The following SERPINA9 variants were observed in gnomAD, a reference collection of about 807,000 sequenced individuals.
SERPINA9 encodes the protein serpin A9.
In SERPINA9, 32 loss-of-function variants were observed where a neutral mutation model predicts 24.5. That is an observed-to-expected ratio of 1.30 (90% CI 0.98 to 1.75). The LOEUF (loss-of-function observed/expected upper bound fraction) is 1.75. Among genes scored for constraint, SERPINA9 ranks in the 40% most tolerant of loss-of-function variants. The pLI is 0.00. For synonymous variants in SERPINA9, 233 were observed against 197.7 expected, an observed-to-expected ratio of 1.18 and a Z score of -1.50; for missense variants, 594 against 497.1, an observed-to-expected ratio of 1.19 and a Z score of -1.85.
At chr14:94,474,886 G>A (rs1012207989) in intron 1 of SERPINA9, among the ~76,000 whole-genome samples, 45 of 152,130 alleles carry the variant, frequency 3.0e-4, no homozygotes, top group African/African-American at 1.1e-3. Context: ...TGCTGATCTG[G>A]TGTATCACTC....
At chr14:94,473,628 G>A (rs918776775) in intron 1 of SERPINA9, among the ~76,000 whole-genome samples, 5 of 151,970 alleles carry the variant, frequency 3.3e-5, no homozygotes, top group Admixed American at 2.6e-4. Context: ...TATTTGATGA[G>A]CTCTGTGACA....
chr14:94,464,141 C>T (rs1383110244), intron 4 of SERPINA9, among the ~76,000 whole-genome samples: 1 of 152,200 alleles, frequency 6.6e-6, no homozygotes, highest in African/African-American at 2.4e-5. Flanking sequence ...ACTCATAGCT[C>T]AGCTCCTGTG....
rs1347446994 is a variant in SERPINA9 at position 94,467,204 on chromosome 14, G to A, written c.807C>T (p.Ala269=). Residue 269 remains alanine, a synonymous_variant, in exon 3 of 5, where the codon GCC becomes GCT. Transcript: ENST00000674397. ...TGCCCTTGCTAGGGAGGACAAAGAA[G>A]GCCACGGCATCTCCCTTGTAATCCA... The part of the protein sequence containing the change: ...LQMDYKGDAV[A]FFVLPSKGKM... 3 of 1,614,244 alleles carry A rather than the reference G, an allele frequency of 1.9e-6. No individual in the cohort carries two copies. The highest frequency in any genetic ancestry group is 2.5e-6 in the Non-Finnish European group (3 of 1,180,042).
At chr14:94,469,077 A>G in intron 2 of SERPINA9, 136 bp downstream of exon 2, 1 of 731,558 alleles carries the variant, frequency 1.4e-6, no homozygotes, top group Non-Finnish European at 2.2e-6. Context: ...CTAATTGCAA[A>G]GCTAATTAGA....
At position 94,472,971 on chromosome 14, in the gene SERPINA9, C is replaced by T. The variant is rs532441482; in HGVS notation, c.-17-3114G>A. 2.4e-4 allele frequency among the ~76,000 whole-genome samples: 37 copies of T among 152,226 alleles called. No individual in the cohort carries two copies. In the South Asian group the frequency reaches 2.5e-3, roughly 10 times the overall value. On this transcript the variant is annotated intron_variant, in intron 1 of 4. Transcript: ENST00000674397. ...CTGGGGAGCAGGAGAGACCAGCTGC[C>T]GAGAGAGGGGGCCCCATGCAGGGAT... is the stretch of plus-strand genomic sequence containing the variant.
At chr14:94,464,391 T>G (rs1406235848) in intron 4 of SERPINA9, 3 of 446,302 alleles carry the variant, frequency 6.7e-6, no homozygotes, top group Non-Finnish European at 1.2e-5. Flanking sequence ...CTGTGATGCC[T>G]GTGTGAGGGC....
rs1379616009 is a variant in SERPINA9 at position 94,469,352 on chromosome 14, T to C, written c.489A>G (p.Thr163=). Reference sequence around the variant, plus strand: ...GGGCAATGGAGGGGTTGGAGAAATCTGTAGAAAAGACTTCTGCTTCATACA... The same window carrying C: ...GGGCAATGGAGGGGTTGGAGAAATCCGTAGAAAAGACTTCTGCTTCATACA... ...KRLYEAEVFS[T]DFSNPSIAQA... The change falls in exon 2 of 5, where the codon ACA becomes ACG. Residue 163 remains threonine (T), a synonymous_variant. Coordinates refer to ENST00000674397, the MANE Select transcript of SERPINA9 (RefSeq NM_175739.4). 2 of 1,614,124 alleles carry C rather than the reference T, an allele frequency of 1.2e-6. No individual in the cohort carries two copies. Among genetic ancestry groups the C allele is most frequent in the African/African-American group, 2.7e-5 (2 of 74,942 alleles).
intron 1 of SERPINA9, chr14:94,475,812 A>C (rs542820121): frequency 2.3e-6 from 1 of 439,236 alleles, no homozygotes; most frequent in Admixed American, 3.9e-5. Context: ...ACAACAACAA[A>C]AACACTCCTT....
At position 94,469,906 on chromosome 14, in the gene SERPINA9, C is replaced by G. The variant is rs1899229119; in HGVS notation, c.-17-49G>C. 2.1e-6 allele frequency: 3 copies of G among 1,451,584 alleles called. No homozygotes were observed. In the South Asian group the frequency reaches 4.7e-5, roughly 23 times the overall value. 89.9% of individuals were successfully genotyped at this position (1,451,584 alleles called of 1,614,324 possible). A position where few individuals can be genotyped will look rare whatever the true frequency, so the allele number is the denominator to read the frequency against. On this transcript the variant is annotated intron_variant, in intron 1 of 4. Coordinates refer to ENST00000674397, the MANE Select transcript of SERPINA9 (RefSeq NM_175739.4). ...GAGGGGGTAAACTGAGGGTCCAGGC[C>G]CTGAATCAGAGACCCTTTAACACCC...
chr14:94,466,965 C>T, intron 3 of SERPINA9, 144 bp downstream of exon 3: 2 of 838,074 alleles, frequency 2.4e-6, no homozygotes, highest in Non-Finnish European at 3.7e-6. Context: ...CATGTATAGA[C>T]AGCCCCAGGC....
At position 94,467,194 on chromosome 14, in the gene SERPINA9, G is replaced by A; in HGVS notation, c.817C>T (p.Leu273Phe). 1 of 1,614,228 alleles carries A rather than the reference G, an allele frequency of 6.2e-7. No homozygotes were observed. The highest frequency in any genetic ancestry group is 1.1e-5 in the South Asian group (1 of 91,088). The change falls in exon 3 of 5, where the codon CTC becomes TTC. Residue 273 changes from leucine to phenylalanine, a missense_variant. By Grantham distance (22) the Leu-to-Phe change is conservative. Transcript: ENST00000674397. The stretch of plus-strand genomic sequence containing the variant: ...TGCCTCATCTTGCCCTTGCTAGGGA[G>A]GACAAAGAAGGCCACGGCATCTCCC... Reference protein sequence around the residue: ...YKGDAVAFFVLPSKGKMRQLE... With the variant: ...YKGDAVAFFVFPSKGKMRQLE...
Position 94,463,071 on chromosome 14 carries a change from C to CAGTT in SERPINA9, c.*18_*21dup, listed in dbSNP as rs1566788739. ...TTCTTGTGCATTAGCAATGTGCCAT[C>CAGTT]AGTTAACAGGCCATTTCCCACCTAG... is the stretch of plus-strand genomic sequence containing the variant. On this transcript the variant is annotated 3_prime_UTR_variant, in exon 5 of 5. Coordinates refer to ENST00000674397, the MANE Select transcript of SERPINA9 (RefSeq NM_175739.4). 1.3e-6 allele frequency: 2 copies of CAGTT among 1,571,224 alleles called. No individual in the cohort carries two copies.
At chr14:94,471,691 C>G (rs17752593) in intron 1 of SERPINA9, among the ~76,000 whole-genome samples, 1 of 152,074 alleles carries the variant, frequency 6.6e-6, no homozygotes. Context: ...CTTTGCCAAC[C>G]TGTTCTGAAC....
intron 1 of SERPINA9, among the ~76,000 whole-genome samples, chr14:94,475,684 C>G (rs1427626108): frequency 6.6e-6 from 1 of 152,158 alleles, no homozygotes; most frequent in Admixed American, 6.5e-5. Context: ...TTCTCTCCAT[C>G]TCAGGACCCT....
At chr14:94,467,745 G>A (rs1347524136) in intron 2 of SERPINA9, among the ~76,000 whole-genome samples, 2 of 152,174 alleles carry the variant, frequency 1.3e-5, no homozygotes, top group African/African-American at 4.8e-5. Flanking sequence ...ATGGAGGGTG[G>A]ATGGATAGAT....
intron 1 of SERPINA9, 122 bp from the exon 2 acceptor site, chr14:94,469,979 C>G (rs1272470013): frequency 1.1e-5 from 9 of 791,724 alleles, no homozygotes. Flanking sequence ...GTTAGCAGAG[C>G]TCTCTCACAT....
At chr14:94,464,270 CCTCTCTCTCTCTCTCTCTCT>C (rs71129684) in intron 4 of SERPINA9, 4 of 54,422 alleles carry the variant, frequency 7.3e-5, no homozygotes, top group East Asian at 2.4e-4. Context: ...CTTTAAAACT[CCTCTCTCTCTCTCTCTCTCT>C]CTCTCTCTCT....
At position 94,469,642 on chromosome 14, in the gene SERPINA9, T is replaced by A. The variant is rs1899204882; in HGVS notation, c.199A>T (p.Asn67Tyr). The A allele has an allele frequency of 6.2e-7, 1 of 1,614,050 alleles. No homozygotes were observed. ...RRLVLETPSQ[N>Y]IFFSPVSVST... ...ACACTCACAGGGGAGAAGAAGATGT[T>A]CTGACTCGGGGTCTCCAAAACCAGC... The change falls in exon 2 of 5, where the codon AAC (asparagine) becomes TAC (tyrosine). Residue 67 changes from asparagine to tyrosine, a missense_variant. Coordinates refer to ENST00000674397, the MANE Select transcript of SERPINA9 (RefSeq NM_175739.4).
At chr14:94,472,338 T>G (rs1392969653) in intron 1 of SERPINA9, among the ~76,000 whole-genome samples, 1 of 152,110 alleles carries the variant, frequency 6.6e-6, no homozygotes, top group Non-Finnish European at 1.5e-5. Flanking sequence ...AAGCCCTTGT[T>G]TCTCACTCTG....
Sources: gnomAD v4.1 joint callset for allele counts (sites outside exome capture counted in the v4.1 genomes callset) on GRCh38, gnomAD v4.1.1 for gene constraint, MANE v1.5 for transcripts, NCBI Gene and HGNC (gene_info 2026-07-23, HGNC 2026-07-21) for gene names.